The following PPARG variants were observed in gnomAD, a reference collection of about 807,000 sequenced individuals.
The protein encoded by PPARG is peroxisome proliferator-activated receptor gamma.
A neutral mutation model predicts 39.2 loss-of-function variants in PPARG; 17 were observed. The observed-to-expected ratio is 0.43, with a 90% CI of 0.30 to 0.65. The LOEUF (loss-of-function observed/expected upper bound fraction) is 0.65, where lower values mean the gene tolerates loss of function less well. Among genes scored for constraint, PPARG ranks in the 30% least tolerant of loss-of-function variants. The probability of loss-of-function intolerance (pLI) is 0.13; values close to 1 mark genes in which losing one functional copy is unlikely to be tolerated. For missense variants in PPARG, 406 were observed against 585.9 expected (o/e 0.69, Z 3.17); for synonymous variants, 223 against 215.7 (o/e 1.03, Z -0.30).
At chr3:12,376,970 T>C (rs1337088558) in intron 2 of PPARG, among the ~76,000 whole-genome samples, 1 of 152,152 alleles carries the variant, frequency 6.6e-6, no homozygotes, top group Non-Finnish European at 1.5e-5. Context: ...CCACTGGTGT[T>C]TTTGACCACA....
intron 4 of PPARG, among the ~76,000 whole-genome samples, chr3:12,386,173 T>C (rs1575095416): frequency 6.6e-6 from 1 of 152,122 alleles, no homozygotes; most frequent in Non-Finnish European, 1.5e-5. Context: ...ATCAGTAATA[T>C]GAAGAAAATT....
intron 2 of PPARG, among the ~76,000 whole-genome samples, chr3:12,356,335 C>G (rs2048665159): frequency 6.6e-6 from 1 of 152,200 alleles, no homozygotes; most frequent in South Asian, 2.1e-4. Flanking sequence ...CCATCCAACT[C>G]TTATAACCTC....
chr3:12,328,400 G>A (rs1197515259), intron 2 of PPARG: 3 of 628,186 alleles, frequency 4.8e-6, no homozygotes, highest in Non-Finnish European at 5.6e-6. Flanking sequence ...GCCTGGCAAC[G>A]TCACATTTTC....
At chr3:12,400,440 A>G (rs1191450491) in intron 5 of PPARG, among the ~76,000 whole-genome samples, 1 of 152,236 alleles carries the variant, frequency 6.6e-6, no homozygotes, top group Admixed American at 6.5e-5. Context: ...TAGTAGCTAC[A>G]TTCAGCTCAA....
At chr3:12,350,030 G>A (rs2048435495) in intron 2 of PPARG, among the ~76,000 whole-genome samples, 1 of 152,136 alleles carries the variant, frequency 6.6e-6, no homozygotes, top group African/African-American at 2.4e-5. Flanking sequence ...GAGTAACAGA[G>A]ACTGGTATAG....
At chr3:12,421,594 GCT>G (rs1211496312) in intron 7 of PPARG, among the ~76,000 whole-genome samples, 2 of 152,182 alleles carry the variant, frequency 1.3e-5, no homozygotes, top group East Asian at 3.8e-4. Flanking sequence ...GCAGGCAAAA[GCT>G]CTTTTTGTTA....
chr3:12,419,092 A>G (rs1463299713), intron 7 of PPARG, among the ~76,000 whole-genome samples: 2 of 151,370 alleles, frequency 1.3e-5, no homozygotes, highest in Non-Finnish European at 3.0e-5. Flanking sequence ...TTACAGGCAC[A>G]TGCCACCACA....
At chr3:12,356,116 G>A (rs115535070) in intron 2 of PPARG, among the ~76,000 whole-genome samples, 2,497 of 152,308 alleles carry the variant, frequency 0.016, 42 homozygotes, top group Non-Finnish European at 0.019. Flanking sequence ...AGGTTGTCCA[G>A]TAAATGCTTC....
chr3:12,290,808 T>A (rs1452676876), intron 1 of PPARG, among the ~76,000 whole-genome samples: 1 of 152,174 alleles, frequency 6.6e-6, no homozygotes, highest in East Asian at 1.9e-4. Context: ...ATACAAGTAT[T>A]AATAATACAT....
intron 2 of PPARG, among the ~76,000 whole-genome samples, chr3:12,321,730 C>A (rs1039104722): frequency 6.6e-6 from 1 of 152,190 alleles, no homozygotes; most frequent in Non-Finnish European, 1.5e-5. Context: ...TCCCACAAAT[C>A]TTATGGGTCA....
chr3:12,349,766 A>C (rs1008970338), intron 2 of PPARG, among the ~76,000 whole-genome samples: 1 of 152,188 alleles, frequency 6.6e-6, no homozygotes, highest in Non-Finnish European at 1.5e-5. Flanking sequence ...GGTGGGTGCT[A>C]TAGGAGTAGG....
chr3:12,324,108 GT>G (rs2047624439), intron 2 of PPARG, among the ~76,000 whole-genome samples: 1 of 151,934 alleles, frequency 6.6e-6, no homozygotes, highest in East Asian at 1.9e-4. Flanking sequence ...GTGAAATCCC[GT>G]TTCCACTAAA....
intron 1 of PPARG, among the ~76,000 whole-genome samples, chr3:12,306,303 A>G (rs1156247489): frequency 6.6e-6 from 1 of 152,162 alleles, no homozygotes; most frequent in Non-Finnish European, 1.5e-5. Flanking sequence ...AGCTCAGGCA[A>G]TAATGTTCGC....
intron 7 of PPARG, among the ~76,000 whole-genome samples, chr3:12,424,226 A>G (rs2051360571): frequency 6.6e-6 from 1 of 152,194 alleles, no homozygotes; most frequent in Admixed American, 6.5e-5. Flanking sequence ...GATGGGGAGG[A>G]GATGAAACAT....
In PPARG at chr3:12,399,820, CAAAAA is replaced by C. The variant is rs36025945; in HGVS notation, c.530-6046_530-6042del. On this transcript the variant is annotated intron_variant, in intron 5 of 7. Coordinates refer to ENST00000651735, the MANE Select transcript of PPARG (RefSeq NM_138711.6). ...AGTTTTGGCGAGATCCCATGTCTAC[CAAAAA>C]AAAAAAAAAAAAAAATTAGCTGGGC... is the stretch of plus-strand genomic sequence containing the variant. Among the ~76,000 whole-genome samples the C allele has an allele frequency of 7.7e-4, 79 of 103,254 alleles. 1 individual carries two copies. In the Middle Eastern group the frequency reaches 0.025, roughly 33 times the overall value. 67.7% of individuals were successfully genotyped at this position (103,254 alleles called of 152,430 possible). A position where few individuals can be genotyped will look rare whatever the true frequency, so the allele number is the denominator to read the frequency against.
intron 5 of PPARG, among the ~76,000 whole-genome samples, chr3:12,398,363 T>C (rs1237155679): frequency 2.6e-5 from 4 of 152,190 alleles, no homozygotes; most frequent in Non-Finnish European, 4.4e-5. Flanking sequence ...TTATTTAGGA[T>C]ATCTAATTTG....
At chr3:12,326,880 G>A (rs868640710) in intron 2 of PPARG, among the ~76,000 whole-genome samples, 2 of 152,174 alleles carry the variant, frequency 1.3e-5, no homozygotes, top group African/African-American at 4.8e-5. Flanking sequence ...AACATTGAGT[G>A]TTCAGTGGAG....
chr3:12,427,967 T>A (rs1444994714), intron 7 of PPARG, among the ~76,000 whole-genome samples: 3 of 152,174 alleles, frequency 2.0e-5, no homozygotes, highest in Admixed American at 6.5e-5. Context: ...GATTAGTCTC[T>A]ATCAGAGAGC....
At chr3:12,294,726 C>T (rs2046733799) in intron 1 of PPARG, among the ~76,000 whole-genome samples, 2 of 152,102 alleles carry the variant, frequency 1.3e-5, no homozygotes, top group African/African-American at 4.8e-5. Context: ...GAAACCCCAC[C>T]TCTACTAAAA....
Sources: gnomAD v4.1 joint callset for allele counts (sites outside exome capture counted in the v4.1 genomes callset) on GRCh38, gnomAD v4.1.1 for gene constraint, MANE v1.5 for transcripts, NCBI Gene and HGNC (gene_info 2026-07-23, HGNC 2026-07-21) for gene names.